Variants in PCDHGA6 observed in about 807,000 individuals in gnomAD.
PCDHGA6 encodes the protein protocadherin gamma subfamily A, 6.
In PCDHGA6, 41 loss-of-function variants were observed where a neutral mutation model predicts 60.6. The observed-to-expected ratio is 0.68, with a 90% CI of 0.53 to 0.88. The LOEUF is 0.88. Ranked by LOEUF, PCDHGA6 falls within the 40% of genes least tolerant of loss-of-function variation. The probability of loss-of-function intolerance (pLI) is 0.00; values close to 1 mark genes in which losing one functional copy is unlikely to be tolerated. For synonymous variants in PCDHGA6, 594 were observed against 524.4 expected (o/e 1.13, Z -1.81); for missense variants, 1,312 against 1,203.0 (o/e 1.09, Z -1.34).
At chr5:141,459,806 A>G (rs2154566682) in intron 1 of PCDHGA6, among the ~76,000 whole-genome samples, 1 of 152,342 alleles carries the variant, frequency 6.6e-6, no homozygotes, top group African/African-American at 2.4e-5. Flanking sequence ...CCTGTTGACT[A>G]GAGACACTGA....
At chr5:141,385,142 C>T (rs1420566063) in intron 1 of PCDHGA6, 2 of 1,614,210 alleles carry the variant, frequency 1.2e-6, no homozygotes, top group Non-Finnish European at 1.7e-6. Flanking sequence ...GGGGTGCAGG[C>T]TTTCCTGCAG....
chr5:141,428,238 G>A lies in PCDHGA6; in HGVS notation c.2424+51731G>A, dbSNP rs775703660. On this transcript the variant is annotated intron_variant, in intron 1 of 3. Transcript: ENST00000517434. ...TAGTCTTCGCAGACAGCCTGCAGGA[G>A]GCACTGCCAGACTTCAGTGACAGTC... 1.0e-5 allele frequency: 10 copies of A among 998,180 alleles called. No individual in the cohort carries two copies. The South Asian group carries it at 1.3e-4, about 13-fold the overall frequency. The allele number at this position is 998,180 out of a possible 1,614,324, so 61.8% of individuals were successfully genotyped here. A position where few individuals can be genotyped will look rare whatever the true frequency, so the allele number is the denominator to read the frequency against.
chr5:141,384,850 C>A, intron 1 of PCDHGA6: 1 of 1,613,646 alleles, frequency 6.2e-7, no homozygotes, highest in African/African-American at 1.3e-5. Context: ...GGACCACGGT[C>A]AGCCTCCTCT....
intron 1 of PCDHGA6, chr5:141,395,206 A>G (rs773754361): frequency 1.2e-6 from 2 of 1,613,736 alleles, no homozygotes; most frequent in South Asian, 1.1e-5. Context: ...GTAGATTTTC[A>G]TGAATATAAG....
At chr5:141,410,888 C>G in intron 1 of PCDHGA6, 1 of 290,774 alleles carries the variant, frequency 3.4e-6, no homozygotes, top group Non-Finnish European at 5.6e-6. Flanking sequence ...GAGTCTCGCA[C>G]TGTTGCCTAG....
intron 1 of PCDHGA6, among the ~76,000 whole-genome samples, chr5:141,429,890 C>A (rs2097251428): frequency 6.6e-6 from 1 of 152,112 alleles, no homozygotes; most frequent in African/African-American, 2.4e-5. Context: ...GTTTCCTGAA[C>A]AATAAATATT....
chr5:141,414,210 T>G (rs1252033650), intron 1 of PCDHGA6: 1 of 1,612,706 alleles, frequency 6.2e-7, no homozygotes, highest in Admixed American at 1.7e-5. Context: ...AAGATGTAAA[T>G]GACAACAGTC....
At chr5:141,447,884 G>A (rs1324802340) in intron 1 of PCDHGA6, among the ~76,000 whole-genome samples, 1 of 152,024 alleles carries the variant, frequency 6.6e-6, no homozygotes, top group Non-Finnish European at 1.5e-5. Context: ...TCAGGAGTTC[G>A]AGACCAGCCT....
chr5:141,422,470 T>C, intron 1 of PCDHGA6: 1 of 1,613,440 alleles, frequency 6.2e-7, no homozygotes, highest in Non-Finnish European at 8.5e-7. Flanking sequence ...GGACAGGGAG[T>C]TGGTCCAGAG....
rs201424832 is a variant in PCDHGA6 at position 141,490,802 on chromosome 5, C to T, written c.2425-4005C>T. On this transcript the variant is annotated intron_variant, in intron 1 of 3. Transcript: ENST00000517434. This position sits in a 1 kb window ranked among gnomAD's most constrained non-coding sequence, Gnocchi z 5.4. Reference sequence around the variant, plus strand: ...GATGGACGGATCTTTGCCCAGCGTACCTTTGACTATGAATTGCTGCAGATG... The same window carrying T: ...GATGGACGGATCTTTGCCCAGCGTATCTTTGACTATGAATTGCTGCAGATG... 1 of 1,613,944 alleles carries T rather than the reference C, an allele frequency of 6.2e-7. No homozygotes were observed. Among genetic ancestry groups the T allele is most frequent in the East Asian group, 2.2e-5 (1 of 44,886 alleles).
chr5:141,490,180 C>T lies in PCDHGA6; in HGVS notation c.2425-4627C>T, dbSNP rs747366205. On this transcript the variant is annotated intron_variant, in intron 1 of 3. Coordinates refer to ENST00000517434, the MANE Select transcript of PCDHGA6 (RefSeq NM_018919.3). This position sits in a 1 kb window ranked among gnomAD's most constrained non-coding sequence, Gnocchi z 5.4. ...GGGTCCCATAGACTTTGAGGAGTCACGTTTCTATGAAATTCATGCAAGAGC... is the reference window on the plus strand; with the variant it reads ...GGGTCCCATAGACTTTGAGGAGTCATGTTTCTATGAAATTCATGCAAGAGC... 3 of 1,614,208 alleles carry T rather than the reference C, an allele frequency of 1.9e-6. No individual in the cohort carries two copies. Among genetic ancestry groups the T allele is most frequent in the East Asian group, 2.2e-5 (1 of 44,882 alleles).
At chr5:141,462,271 G>C (rs2099036316) in intron 1 of PCDHGA6, among the ~76,000 whole-genome samples, 1 of 152,174 alleles carries the variant, frequency 6.6e-6, no homozygotes, top group African/African-American at 2.4e-5. Context: ...AAAGTGTATT[G>C]TTTAGTCACC....
chr5:141,503,260 C>A (rs2154593294), intron 2 of PCDHGA6, among the ~76,000 whole-genome samples: 1 of 152,178 alleles, frequency 6.6e-6, no homozygotes, highest in African/African-American at 2.4e-5. Flanking sequence ...ACAGCCACAA[C>A]CCCAGCACCT....
intron 1 of PCDHGA6, chr5:141,400,525 G>T: frequency 1.2e-6 from 2 of 1,613,908 alleles, no homozygotes; most frequent in Non-Finnish European, 1.7e-6. Flanking sequence ...TCCTGAGTTG[G>T]TGAGTTTCAT....
intron 1 of PCDHGA6, chr5:141,426,693 A>C (rs62378458): frequency 0.034 from 14,964 of 435,892 alleles, 320 homozygotes; most frequent in Middle Eastern, 0.11. Flanking sequence ...CCAAAATAGC[A>C]TTGTTTTACA....
intron 1 of PCDHGA6, among the ~76,000 whole-genome samples, chr5:141,454,918 C>T (rs1474616925): frequency 6.7e-6 from 1 of 149,344 alleles, no homozygotes; most frequent in Non-Finnish European, 1.5e-5. Context: ...CGCCATTCTC[C>T]TGCCTCAGCC....
chr5:141,385,160 C>T lies in PCDHGA6; in HGVS notation c.2424+8653C>T, dbSNP rs765072883. 6.2e-6 allele frequency: 10 copies of T among 1,614,096 alleles called. No individual in the cohort carries two copies. The East Asian group carries it at 2.0e-4, about 32-fold the overall frequency. On this transcript the variant is annotated intron_variant, in intron 1 of 3. Coordinates refer to ENST00000517434, the MANE Select transcript of PCDHGA6 (RefSeq NM_018919.3). ...GTGCAGGCTTTCCTGCAGACCTATT[C>T]CCATGAGGTCTCCCTCACCGCGGAC...
intron 1 of PCDHGA6, among the ~76,000 whole-genome samples, chr5:141,435,732 C>T (rs2097777160): frequency 6.6e-6 from 1 of 152,150 alleles, no homozygotes; most frequent in South Asian, 2.1e-4. Flanking sequence ...AAGTGTATTA[C>T]TCTTTGAAAA....
At chr5:141,469,081 A>C (rs1451214440) in intron 1 of PCDHGA6, among the ~76,000 whole-genome samples, 1 of 151,790 alleles carries the variant, frequency 6.6e-6, no homozygotes, top group Non-Finnish European at 1.5e-5. Context: ...GTTTGAGACC[A>C]TTCTAGGCAA....
Sources: gnomAD v4.1 joint callset for allele counts (sites outside exome capture counted in the v4.1 genomes callset) on GRCh38, gnomAD v4.1.1 for gene constraint, Gnocchi (gnomAD v3.1) non-coding constraint, MANE v1.5 for transcripts, NCBI Gene and HGNC (gene_info 2026-07-23, HGNC 2026-07-21) for gene names.